Variants in KCNH5 observed in about 807,000 individuals in gnomAD.
KCNH5 encodes potassium voltage-gated channel subfamily H member 5.
Under a neutral mutation model 96.1 loss-of-function variants are expected in KCNH5, and 46 were observed. The observed-to-expected ratio is 0.48, with a 90% CI of 0.38 to 0.61. KCNH5 has a LOEUF of 0.61. Among genes scored for constraint, KCNH5 ranks in the 20% least tolerant of loss-of-function variants. The pLI is 0.00. For missense variants in KCNH5, 907 were observed against 1,225.8 expected, an observed-to-expected ratio of 0.74 and a Z score of 3.88; for synonymous variants, 439 against 449.8, an observed-to-expected ratio of 0.98 and a Z score of 0.30.
chr14:62,979,381 ATAAT>A (rs1379504312), intron 6 of KCNH5, among the ~76,000 whole-genome samples: 1 of 152,128 alleles, frequency 6.6e-6, no homozygotes, highest in Non-Finnish European at 1.5e-5. Context: ...TTATAAAGTA[ATAAT>A]TACATACACA....
intron 9 of KCNH5, among the ~76,000 whole-genome samples, chr14:62,786,518 T>C (rs1466948144): frequency 6.6e-6 from 1 of 152,146 alleles, no homozygotes; most frequent in African/African-American, 2.4e-5. Context: ...TCACATATTT[T>C]TGATTGTGTG....
At chr14:63,004,249 T>C (rs948890501) in intron 3 of KCNH5, among the ~76,000 whole-genome samples, 11 of 152,194 alleles carry the variant, frequency 7.2e-5, no homozygotes, top group African/African-American at 2.7e-4. Context: ...TACAAGACTT[T>C]TTAAAAGCTG....
intron 9 of KCNH5, among the ~76,000 whole-genome samples, chr14:62,780,240 G>A (rs1257089718): frequency 6.6e-6 from 1 of 152,210 alleles, no homozygotes; most frequent in Non-Finnish European, 1.5e-5. Flanking sequence ...ACCAGAAGGA[G>A]CAAAGGTGAC....
At chr14:62,910,229 T>G (rs980286481) in intron 7 of KCNH5, among the ~76,000 whole-genome samples, 13 of 151,660 alleles carry the variant, frequency 8.6e-5, no homozygotes, top group African/African-American at 3.2e-4. Flanking sequence ...AAATTATAAA[T>G]AGAAGAAATA....
chr14:62,895,168 G>T (rs536306985), intron 7 of KCNH5, among the ~76,000 whole-genome samples: 2 of 152,148 alleles, frequency 1.3e-5, no homozygotes, highest in African/African-American at 2.4e-5. Flanking sequence ...ATCTATTTTT[G>T]AGATATTTTA....
intron 6 of KCNH5, among the ~76,000 whole-genome samples, chr14:62,978,623 G>A (rs1890547981): frequency 6.6e-6 from 1 of 151,184 alleles, no homozygotes; most frequent in Non-Finnish European, 1.5e-5. Flanking sequence ...TGTATTTAGT[G>A]TGGATTTACT....
intron 7 of KCNH5, among the ~76,000 whole-genome samples, chr14:62,895,496 A>G (rs1440071465): frequency 6.6e-6 from 1 of 152,044 alleles, no homozygotes; most frequent in East Asian, 1.9e-4. Flanking sequence ...ACACCCAGCT[A>G]ATTTTGTATT....
intron 10 of KCNH5, among the ~76,000 whole-genome samples, chr14:62,777,085 T>C (rs1303688543): frequency 2.6e-5 from 4 of 152,240 alleles, no homozygotes; most frequent in African/African-American, 9.6e-5. Context: ...TGAATGTTCA[T>C]TGCAATAATT....
In KCNH5 at chr14:62,743,779, A is replaced by AC. The variant is rs145139459; in HGVS notation, c.2020-35325dup. ...CTCTGGATCTGTTCTACCCGACTCCACCCCCAATCTGGGCAGTTTCATTCT... is the reference window on the plus strand; with the variant it reads ...CTCTGGATCTGTTCTACCCGACTCCACCCCCCAATCTGGGCAGTTTCATTCT... On this transcript the variant is annotated intron_variant, in intron 10 of 10. Coordinates refer to ENST00000322893, the MANE Select transcript of KCNH5 (RefSeq NM_139318.5). 1.0e-2 allele frequency among the ~76,000 whole-genome samples: 1,521 copies of AC among 152,118 alleles called. 29 individuals are homozygous for AC. The highest frequency in any genetic ancestry group is 0.087 in the East Asian group (451 of 5,158).
intron 1 of KCNH5, among the ~76,000 whole-genome samples, chr14:63,029,536 T>C (rs1045039972): frequency 6.6e-6 from 1 of 152,088 alleles, no homozygotes; most frequent in Non-Finnish European, 1.5e-5. Context: ...GGGGGATGTA[T>C]GTATGTATGT....
chr14:62,995,726 T>C (rs751240653), intron 4 of KCNH5, among the ~76,000 whole-genome samples: 1 of 152,102 alleles, frequency 6.6e-6, no homozygotes, highest in African/African-American at 2.4e-5. Context: ...CTTCACCATC[T>C]TTACTCTCAG....
intron 10 of KCNH5, among the ~76,000 whole-genome samples, chr14:62,723,715 G>C (rs987462103): frequency 6.6e-6 from 1 of 152,142 alleles, no homozygotes; most frequent in Non-Finnish European, 1.5e-5. Flanking sequence ...GAATAAATTT[G>C]GCCAAGCCAC....
rs1324727186 is a variant in KCNH5, at chr14:62,704,916, C to T, written c.*2592G>A. 6.6e-6 allele frequency: 1 copy of T among 151,870 alleles called. No homozygotes were observed. Among genetic ancestry groups the T allele is most frequent in the East Asian group, 1.9e-4 (1 of 5,190 alleles). 9.4% of individuals were successfully genotyped at this position (151,870 alleles called of 1,614,324 possible). On this transcript the variant is annotated 3_prime_UTR_variant, in exon 11 of 11. Coordinates refer to ENST00000322893, the MANE Select transcript of KCNH5 (RefSeq NM_139318.5). Reference sequence around the variant, plus strand: ...GCTAAGATTTGTGGAATCTGGGAACCTAAAAGACTACTCTATATACAATGT... The same window carrying T: ...GCTAAGATTTGTGGAATCTGGGAACTTAAAAGACTACTCTATATACAATGT...
At chr14:62,709,421 G>C (rs963704540) in intron 10 of KCNH5, among the ~76,000 whole-genome samples, 6 of 152,024 alleles carry the variant, frequency 3.9e-5, no homozygotes, top group African/African-American at 9.7e-5. Context: ...AAAAGTTTCC[G>C]GGAGGTAACA....
chr14:62,939,076 A>G (rs2140121833), intron 7 of KCNH5, among the ~76,000 whole-genome samples: 1 of 152,290 alleles, frequency 6.6e-6, no homozygotes, highest in South Asian at 2.1e-4. Flanking sequence ...TGAGTTCCCC[A>G]TGTGGCTCTC....
intron 10 of KCNH5, among the ~76,000 whole-genome samples, chr14:62,767,429 C>T (rs1442302639): frequency 2.0e-5 from 3 of 152,060 alleles, no homozygotes; most frequent in Non-Finnish European, 4.4e-5. Context: ...AACCTAAATG[C>T]TTATCAATGG....
chr14:62,730,145 A>C (rs928988463), intron 10 of KCNH5, among the ~76,000 whole-genome samples: 2 of 152,204 alleles, frequency 1.3e-5, no homozygotes, highest in African/African-American at 4.8e-5. Flanking sequence ...AATAATCTAC[A>C]CTTCTTGGCA....
chr14:62,795,472 A>G (rs1052245799), intron 9 of KCNH5, among the ~76,000 whole-genome samples: 1 of 152,110 alleles, frequency 6.6e-6, no homozygotes, highest in Non-Finnish European at 1.5e-5. Context: ...TAGCATTCAC[A>G]TTGTGTTGGG....
chr14:62,725,299 T>A (rs1288686954), intron 10 of KCNH5, among the ~76,000 whole-genome samples: 1 of 152,208 alleles, frequency 6.6e-6, no homozygotes, highest in Non-Finnish European at 1.5e-5. Flanking sequence ...CCCACTGTCA[T>A]ATTCTACTTA....
Sources: allele counts gnomAD v4.1 joint callset (sites outside exome capture counted in the v4.1 genomes callset), GRCh38; gene constraint gnomAD v4.1.1; transcripts MANE v1.5; gene names NCBI Gene and HGNC (gene_info 2026-07-23, HGNC 2026-07-21).